The following AHRR variants were observed in gnomAD, a reference collection of about 807,000 sequenced individuals.
AHRR encodes the protein ahR repressor.
A neutral mutation model predicts 44.0 loss-of-function variants in AHRR; 28 were observed. That is an observed-to-expected ratio of 0.64 (90% CI 0.47 to 0.87). AHRR has a LOEUF of 0.87. AHRR is among the 40% of genes least tolerant of loss of function. The pLI is 0.00. For synonymous variants in AHRR, 434 were observed against 407.0 expected, an observed-to-expected ratio of 1.07 and a Z score of -0.80; for missense variants, 990 against 953.9, an observed-to-expected ratio of 1.04 and a Z score of -0.50.
intron 5 of AHRR, chr5:420,992 G>T: frequency 2.7e-6 from 1 of 372,804 alleles, no homozygotes; most frequent in Non-Finnish European, 4.8e-6. Flanking sequence ...TATACACGAT[G>T]GTTCTTCTTA....
At chr5:390,646 C>G (rs2721011) in intron 4 of AHRR, among the ~76,000 whole-genome samples, 35,619 of 151,954 alleles carry the variant, frequency 0.23, 4,929 homozygotes, top group African/African-American at 0.37. Context: ...GATCGGAGGG[C>G]AGGGAGTCTT....
intron 1 of AHRR, chr5:343,690 C>G (rs1306988397): frequency 3.7e-6 from 2 of 535,318 alleles, no homozygotes; most frequent in Non-Finnish European, 6.5e-6. Context: ...AGGCGTGACC[C>G]GGCCCCGGTG....
In AHRR at chr5:385,783, T is replaced by A. The variant is rs536953883; in HGVS notation, c.351+9067T>A. Among the ~76,000 whole-genome samples the A allele has an allele frequency of 9.8e-5, 15 of 152,346 alleles. No individual in the cohort carries two copies. The South Asian group carries it at 3.1e-3, about 32-fold the overall frequency. On this transcript the variant is annotated intron_variant, in intron 4 of 10. Transcript: ENST00000684583. ...GAACCTGTTCATTTATTTCACCAAA[T>A]TTGGGAAATTATTCTTTATGGCACC...
At chr5:323,153 TC>T (rs1741565912) in intron 1 of AHRR, among the ~76,000 whole-genome samples, 1 of 152,076 alleles carries the variant, frequency 6.6e-6, no homozygotes, top group Admixed American at 6.5e-5. Context: ...TCCTCCCCTG[TC>T]CCCCAATTAC....
At chr5:415,410 T>TAGGGGCCGAATCTGCCTGGTCGGGC (rs1735706560) in intron 5 of AHRR, among the ~76,000 whole-genome samples, 2 of 26,750 alleles carry the variant, frequency 7.5e-5, no homozygotes, top group Non-Finnish European at 1.2e-4. Flanking sequence ...CCTGGTCGGG[T>TAGGGGCCGAATCTGCCTGGTCGGGC]GGGAGGCCTA....
At chr5:426,481 T>C (rs1736399072) in intron 7 of AHRR, among the ~76,000 whole-genome samples, 1 of 150,096 alleles carries the variant, frequency 6.7e-6, no homozygotes, top group South Asian at 2.1e-4. Flanking sequence ...GTTGGATAGA[T>C]GGGAAGATGG....
At position 343,961 on chromosome 5, in the gene AHRR, A is replaced by G. The variant is rs1488181219; in HGVS notation, c.59A>G (p.Lys20Arg). Residue 20 changes from lysine to arginine, a missense_variant, in exon 2 of 11, where the codon AAA (lysine) becomes AGA (arginine). Transcript: ENST00000684583. ...CGGAAGCGGAGGAGGCCCCTGCAGA[A>G]ACAGTAAAGTATCCCGCCTTCTGCT... The part of the protein sequence containing the change: ...AGRKRRRPLQ[K>R]QRPAVGAEKS... 3.1e-6 allele frequency: 5 copies of G among 1,597,860 alleles called. No homozygotes were observed. The highest frequency in any genetic ancestry group is 4.3e-6 in the Non-Finnish European group (5 of 1,173,070).
intron 1 of AHRR, among the ~76,000 whole-genome samples, chr5:339,279 A>G (rs1315168748): frequency 1.3e-5 from 2 of 151,904 alleles, no homozygotes; most frequent in East Asian, 1.9e-4. Context: ...CACACTGGCT[A>G]ATTTTTTTTA....
chr5:417,470 T>G (rs1735880515), intron 5 of AHRR, among the ~76,000 whole-genome samples: 1 of 152,086 alleles, frequency 6.6e-6, no homozygotes, highest in African/African-American at 2.4e-5. Flanking sequence ...AGGGCCCGAG[T>G]CTAGAGAAGG....
intron 4 of AHRR, among the ~76,000 whole-genome samples, chr5:377,485 C>T (rs1308394365): frequency 2.0e-5 from 3 of 152,132 alleles, no homozygotes; most frequent in Admixed American, 6.5e-5. Context: ...GGGCTCCAGC[C>T]GGAACTCAGG....
intron 1 of AHRR, among the ~76,000 whole-genome samples, chr5:340,845 C>T (rs1320260092): frequency 6.9e-5 from 10 of 144,618 alleles, no homozygotes; most frequent in East Asian, 6.1e-4. Flanking sequence ...TACAGGCATG[C>T]GCCACCATGC....
At chr5:418,954 C>T (rs1357527710) in intron 5 of AHRR, 1 of 152,454 alleles carries the variant, frequency 6.6e-6, no homozygotes, top group East Asian at 1.9e-4. Context: ...CCAGGCATTA[C>T]AGTGACAAAG....
In AHRR at chr5:404,018, T is replaced by A; in HGVS notation, c.352-9326T>A. 1.2e-6 allele frequency: 1 copy of A among 848,690 alleles called. No individual in the cohort carries two copies. Among genetic ancestry groups the A allele is most frequent in the Non-Finnish European group, 2.0e-6 (1 of 500,802 alleles). The allele number at this position is 848,690 out of a possible 1,614,324, so 52.6% of individuals were successfully genotyped here. A position where few individuals can be genotyped will look rare whatever the true frequency, so the allele number is the denominator to read the frequency against. ...GTAATTCGAACTTGGTGTTTTTTCT[T>A]AATCCACGGCTGAATCTGTTTAGTC... is the stretch of plus-strand genomic sequence containing the variant. On this transcript the variant is annotated intron_variant, in intron 4 of 10. Transcript: ENST00000684583. This position sits in a 1 kb window ranked among gnomAD's most constrained non-coding sequence, Gnocchi z 4.1.
At chr5:426,655 A>AT (rs1736410845) in intron 7 of AHRR, among the ~76,000 whole-genome samples, 1 of 149,804 alleles carries the variant, frequency 6.7e-6, no homozygotes, top group Non-Finnish European at 1.5e-5. Flanking sequence ...AGATAGAAAG[A>AT]TGGATGGGTG....
chr5:324,005 C>CCCTT lies in AHRR; in HGVS notation c.-11+2186_-11+2187insCCTT, dbSNP rs376443900. Among the ~76,000 whole-genome samples the CCCTT allele has an allele frequency of 1.5e-3, 178 of 116,138 alleles. 22 individuals are homozygous for CCCTT. Among genetic ancestry groups the CCCTT allele is most frequent in the African/African-American group, 5.7e-3 (163 of 28,544 alleles). The allele number at this position is 116,138 out of a possible 152,430, so 76.2% of individuals were successfully genotyped here. A position where few individuals can be genotyped will look rare whatever the true frequency, so the allele number is the denominator to read the frequency against. On this transcript the variant is annotated intron_variant, in intron 1 of 10. Transcript: ENST00000684583. ...CCTTCCTACCTTCCTTTCTTTTTTT[C>CCCTT]TCTTTCTTTCTTTCTTTCTCTCTCT...
Position 321,786 on chromosome 5 carries a change from G to A in AHRR, c.-44G>A, listed in dbSNP as rs954519973. 3 of 151,672 alleles carry A rather than the reference G, an allele frequency of 2.0e-5. No individual in the cohort carries two copies. In the East Asian group the frequency reaches 5.8e-4, roughly 29 times the overall value. The allele number at this position is 151,672 out of a possible 1,614,324, so 9.4% of individuals were successfully genotyped here. A position where few individuals can be genotyped will look rare whatever the true frequency, so the allele number is the denominator to read the frequency against. ...CTGGCCAGGGCGCGCTGCCCCGCGGGTGTGCCTGAGCCTCCGCGCCCCGCA... is the reference window on the plus strand; with the variant it reads ...CTGGCCAGGGCGCGCTGCCCCGCGGATGTGCCTGAGCCTCCGCGCCCCGCA... On this transcript the variant is annotated 5_prime_UTR_variant, in exon 1 of 11. It adds an upstream start codon to the 5' untranslated region. Coordinates refer to ENST00000684583, the MANE Select transcript of AHRR (RefSeq NM_001377236.1). This position sits in a 1 kb window ranked among gnomAD's most constrained non-coding sequence, Gnocchi z 8.3.
intron 4 of AHRR, among the ~76,000 whole-genome samples, chr5:399,156 G>A (rs1376285582): frequency 2.0e-5 from 3 of 152,220 alleles, no homozygotes; most frequent in Non-Finnish European, 2.9e-5. Context: ...GCAGAGGGAC[G>A]GCCCAGGCCA....
intron 4 of AHRR, among the ~76,000 whole-genome samples, chr5:408,997 C>T (rs1163096653): frequency 2.0e-5 from 3 of 152,152 alleles, no homozygotes; most frequent in South Asian, 4.2e-4. Flanking sequence ...ATCACTTGCC[C>T]TCTGCCACAC....
In AHRR at chr5:434,021, C is replaced by T. The variant is rs1178311633; in HGVS notation, c.1281C>T (p.Arg427=). 1 of 1,594,868 alleles carries T rather than the reference C, an allele frequency of 6.3e-7. No individual in the cohort carries two copies. The highest frequency in any genetic ancestry group is 1.3e-5 in the African/African-American group (1 of 74,448). ...QPSKNDPPSL[R]PMPRGSCLPC... ...GCAAGAATGACCCGCCCTCCCTGCG[C>T]CCCATGCCCCGCGGCTCCTGCCTGC... is the stretch of plus-strand genomic sequence containing the variant. The change falls in exon 11 of 11, where the codon CGC becomes CGT. Residue 427 remains arginine, a synonymous_variant. Transcript: ENST00000684583.
Sources: allele counts gnomAD v4.1 joint callset (sites outside exome capture counted in the v4.1 genomes callset), GRCh38; gene constraint gnomAD v4.1.1; non-coding constraint Gnocchi (gnomAD v3.1); transcripts MANE v1.5; gene names NCBI Gene and HGNC (gene_info 2026-07-23, HGNC 2026-07-21).